CPA6: variants seen among roughly 807,000 people sequenced by gnomAD.
The protein encoded by CPA6 is carboxypeptidase A6, also known as carboxypeptidase B.
CPA6 carries 58 observed loss-of-function variants against 63.3 expected under a neutral mutation model. The ratio of observed to expected loss-of-function variants is 0.92; its 90% confidence interval spans 0.74 to 1.14. The LOEUF is 1.14. CPA6 is among the 50% of genes most tolerant of loss of function. The pLI is 0.00. For missense variants in CPA6, 565 were observed against 526.6 expected (o/e 1.07, Z -0.71); for synonymous variants, 185 against 179.0 (o/e 1.03, Z -0.27).
At chr8:67,560,429 A>G (rs1472307543) in intron 2 of CPA6, among the ~76,000 whole-genome samples, 3 of 152,170 alleles carry the variant, frequency 2.0e-5, no homozygotes, top group Non-Finnish European at 2.9e-5. Context: ...AAGGTAGGAA[A>G]TAAGTTAACA....
intron 1 of CPA6, among the ~76,000 whole-genome samples, chr8:67,683,796 GT>G: frequency 6.6e-6 from 1 of 151,694 alleles, no homozygotes; most frequent in East Asian, 1.9e-4. Flanking sequence ...CCAAATTACT[GT>G]TTTATCTACC....
chr8:67,724,411 CTCAATGCT>C (rs1264744235), intron 1 of CPA6, among the ~76,000 whole-genome samples: 1 of 152,226 alleles, frequency 6.6e-6, no homozygotes. Flanking sequence ...CTTACAGCAG[CTCAATGCT>C]TCTTGAAGCC....
At chr8:67,461,451 A>G (rs1305754925) in intron 8 of CPA6, among the ~76,000 whole-genome samples, 1 of 150,996 alleles carries the variant, frequency 6.6e-6, no homozygotes, top group Non-Finnish European at 1.5e-5. Context: ...AAAGTCTCCC[A>G]TGTCTACTAC....
intron 1 of CPA6, among the ~76,000 whole-genome samples, chr8:67,659,944 G>T (rs1816071454): frequency 6.6e-6 from 1 of 152,136 alleles, no homozygotes; most frequent in South Asian, 2.1e-4. Context: ...AAAATGAATT[G>T]GATAAGATAG....
chr8:67,506,653 G>T, intron 6 of CPA6, 134 bp downstream of exon 6: 1 of 629,174 alleles, frequency 1.6e-6, no homozygotes. Flanking sequence ...CATGAAAGCA[G>T]CCCATGGAAT....
chr8:67,724,514 C>T (rs962779860), intron 1 of CPA6, among the ~76,000 whole-genome samples: 10 of 152,198 alleles, frequency 6.6e-5, no homozygotes, highest in South Asian at 6.2e-4. Flanking sequence ...TGCCCTACAA[C>T]GGAAGGACAC....
chr8:67,656,382 C>T (rs2128992227), intron 1 of CPA6, among the ~76,000 whole-genome samples: 1 of 152,230 alleles, frequency 6.6e-6, no homozygotes. Flanking sequence ...TCAACTATTC[C>T]CACAAATGTT....
intron 1 of CPA6, among the ~76,000 whole-genome samples, chr8:67,685,782 C>G (rs555443775): frequency 6.6e-6 from 1 of 152,176 alleles, no homozygotes; most frequent in Admixed American, 6.5e-5. Flanking sequence ...TGAATTATTA[C>G]GTTATTACGA....
At chr8:67,497,522 T>G (rs1325547025) in intron 6 of CPA6, among the ~76,000 whole-genome samples, 1 of 152,212 alleles carries the variant, frequency 6.6e-6, no homozygotes, top group African/African-American at 2.4e-5. Context: ...TTGGCTATGA[T>G]GAATAATGCT....
intron 2 of CPA6, among the ~76,000 whole-genome samples, chr8:67,535,622 T>G (rs561734186): frequency 6.6e-6 from 1 of 152,174 alleles, no homozygotes; most frequent in Admixed American, 6.5e-5. Flanking sequence ...GTCAGATGGA[T>G]AGATTGCAAA....
intron 8 of CPA6, among the ~76,000 whole-genome samples, chr8:67,440,836 T>C (rs2128953733): frequency 1.3e-5 from 2 of 152,252 alleles, no homozygotes; most frequent in East Asian, 3.9e-4. Context: ...ATACAATCAC[T>C]GTTGACAAAA....
intron 1 of CPA6, among the ~76,000 whole-genome samples, chr8:67,654,851 TGA>T (rs1485712474): frequency 6.6e-6 from 1 of 152,166 alleles, no homozygotes; most frequent in Non-Finnish European, 1.5e-5. Context: ...GGGCTTACGA[TGA>T]TAGGTGGCCA....
intron 1 of CPA6, among the ~76,000 whole-genome samples, chr8:67,683,681 C>T (rs1816647125): frequency 6.6e-6 from 1 of 152,122 alleles, no homozygotes; most frequent in Non-Finnish European, 1.5e-5. Context: ...CTTCTTTATG[C>T]CTATTCAAAT....
chr8:67,654,557 G>A (rs1290726215), intron 1 of CPA6, among the ~76,000 whole-genome samples: 1 of 152,110 alleles, frequency 6.6e-6, no homozygotes, highest in Admixed American at 6.6e-5. Context: ...TTCTCTGATG[G>A]TAGTTTGTAT....
intron 8 of CPA6, among the ~76,000 whole-genome samples, chr8:67,444,538 C>G (rs1223948509): frequency 6.6e-6 from 1 of 151,808 alleles, no homozygotes; most frequent in East Asian, 2.0e-4. Context: ...AATCCCAGCA[C>G]TGTGGGAGGC....
rs1007305743 is a variant in CPA6, at chr8:67,681,200, C to CTTTTTTTT, written c.117-56957_117-56950dup. Among the ~76,000 whole-genome samples the CTTTTTTTT allele has an allele frequency of 7.6e-4, 68 of 89,876 alleles. 11 individuals are homozygous for CTTTTTTTT. Among genetic ancestry groups the CTTTTTTTT allele is most frequent in the South Asian group, 4.9e-3 (12 of 2,464 alleles). 59.0% of individuals were successfully genotyped at this position (89,876 alleles called of 152,430 possible). On this transcript the variant is annotated intron_variant, in intron 1 of 10. Transcript: ENST00000297770. ...CTCAACCCAAGGTCACAAAGATTTTCTTTTTTTTTTTTTTTTTTTTGAGAC... is the reference window on the plus strand; with the variant it reads ...CTCAACCCAAGGTCACAAAGATTTTCTTTTTTTTTTTTTTTTTTTTTTTTTTTTGAGAC...
intron 2 of CPA6, among the ~76,000 whole-genome samples, chr8:67,599,186 C>G (rs2170424): frequency 0.068 from 10,411 of 152,208 alleles, 644 homozygotes; most frequent in African/African-American, 0.16. Flanking sequence ...ATGCCGCAAT[C>G]ATCAAACAGC....
chr8:67,689,204 T>G (rs1415701917), intron 1 of CPA6, among the ~76,000 whole-genome samples: 2 of 152,190 alleles, frequency 1.3e-5, no homozygotes, highest in Non-Finnish European at 2.9e-5. Flanking sequence ...TTACGCCTGG[T>G]TCTCTAGTTA....
intron 2 of CPA6, among the ~76,000 whole-genome samples, chr8:67,583,706 C>T (rs957622101): frequency 8.6e-5 from 13 of 151,938 alleles, no homozygotes; most frequent in East Asian, 3.9e-4. Flanking sequence ...AGGAATCCGG[C>T]GAAGATGCTA....
Sources: allele counts gnomAD v4.1 joint callset (sites outside exome capture counted in the v4.1 genomes callset), GRCh38; gene constraint gnomAD v4.1.1; transcripts MANE v1.5; gene names NCBI Gene and HGNC (gene_info 2026-07-23, HGNC 2026-07-21).